The following PDS5A variants were observed in gnomAD, a reference collection of about 807,000 sequenced individuals.
PDS5A encodes the protein PDS5 cohesin associated factor A, also known as sister chromatid cohesion protein PDS5 homolog A.
Under a neutral mutation model 167.1 loss-of-function variants are expected in PDS5A, and 42 were observed. The ratio of observed to expected loss-of-function variants is 0.25; its 90% CI spans 0.20 to 0.33. The LOEUF is 0.33. Ranked by LOEUF, PDS5A falls within the 10% of genes least tolerant of loss-of-function variation. The pLI is 1.00. For missense variants in PDS5A, 1,033 were observed against 1,605.9 expected, an observed-to-expected ratio of 0.64 and a Z score of 6.10; for synonymous variants, 553 against 554.6, an observed-to-expected ratio of 1.00 and a Z score of 0.04.
chr4:39,866,732 G>A (rs1719489512), intron 23 of PDS5A, 129 bp downstream of exon 23: 1 of 718,926 alleles, frequency 1.4e-6, no homozygotes, highest in African/African-American at 1.8e-5. Flanking sequence ...CCCTAAATGA[G>A]TACATAAGAT....
chr4:39,863,471 C>A lies in PDS5A; in HGVS notation c.2643-12G>T. 1.3e-6 allele frequency: 2 copies of A among 1,570,570 alleles called. No homozygotes were observed. Among genetic ancestry groups the A allele is most frequent in the Admixed American group, 2.0e-5 (1 of 49,760 alleles). On this transcript the variant is annotated splice_polypyrimidine_tract_variant and intron_variant, in intron 23 of 32. Coordinates refer to ENST00000303538, the MANE Select transcript of PDS5A (RefSeq NM_001100399.2). ...ACATATCAGATTTACTATAAACAAACAAAAAAGAAATAAACATTTCCTATA... is the reference window on the plus strand; with the variant it reads ...ACATATCAGATTTACTATAAACAAAAAAAAAAGAAATAAACATTTCCTATA...
Position 39,928,051 on chromosome 4 carries a change from T to C in PDS5A, c.252A>G (p.Lys84=). 6.2e-7 allele frequency: 1 copy of C among 1,613,668 alleles called. No individual in the cohort carries two copies. ...ASEFFLRNPN[K]DVRLLVACCL... The stretch of plus-strand genomic sequence containing the variant: ...AACATGCTACAAGGAGACGCACATC[T>C]TTATTGGGGTTCCTGAGGAAGAATT... The change falls in exon 3 of 33, where the codon AAA becomes AAG. Residue 84 remains lysine, a synonymous_variant. Coordinates refer to ENST00000303538, the MANE Select transcript of PDS5A (RefSeq NM_001100399.2).
intron 6 of PDS5A, among the ~76,000 whole-genome samples, chr4:39,922,334 G>T (rs144928798): frequency 2.3e-3 from 350 of 152,080 alleles, no homozygotes; most frequent in African/African-American, 8.2e-3. Context: ...TTAACCAAAA[G>T]GCAACACCCC....
intron 16 of PDS5A, among the ~76,000 whole-genome samples, chr4:39,896,165 CT>C (rs1394168317): frequency 1.3e-5 from 2 of 151,898 alleles, no homozygotes; most frequent in East Asian, 3.9e-4. Flanking sequence ...ATCTTGGCCT[CT>C]GGAGTAGTCA....
intron 9 of PDS5A, among the ~76,000 whole-genome samples, chr4:39,912,551 G>A (rs928630268): frequency 6.6e-6 from 1 of 152,222 alleles, no homozygotes; most frequent in Non-Finnish European, 1.5e-5. Context: ...AGTAGGCCTT[G>A]TCAGCGATTT....
At chr4:39,927,810 G>A in intron 3 of PDS5A, 151 bp downstream of exon 3, 1 of 603,092 alleles carries the variant, frequency 1.7e-6, no homozygotes, top group East Asian at 2.8e-5. Context: ...AATACTAACT[G>A]AATGAATAAT....
At chr4:39,926,250 G>A (rs1450716150) in intron 4 of PDS5A, among the ~76,000 whole-genome samples, 1 of 151,902 alleles carries the variant, frequency 6.6e-6, no homozygotes, top group African/African-American at 2.4e-5. Context: ...GGCCGGGCCC[G>A]GTGGCTCACG....
In PDS5A at chr4:39,976,583, G is replaced by C. The variant is rs757916645; in HGVS notation, c.-6C>G. ...GGCTGCGCGGTGAAGTCCATCCTGG[G>C]GGACAACTTTTGGTTCACAGTCCTC... is the stretch of plus-strand genomic sequence containing the variant. On this transcript the variant is annotated 5_prime_UTR_variant, in exon 2 of 33. Transcript: ENST00000303538. The C allele has an allele frequency of 6.2e-7, 1 of 1,607,952 alleles. No individual in the cohort carries two copies. Among genetic ancestry groups the C allele is most frequent in the Non-Finnish European group, 8.5e-7 (1 of 1,175,702 alleles).
intron 11 of PDS5A, among the ~76,000 whole-genome samples, chr4:39,906,815 AT>A (rs965541378): frequency 2.3e-4 from 34 of 149,620 alleles, no homozygotes; most frequent in African/African-American, 7.9e-4. Flanking sequence ...TTCTTTATAA[AT>A]TTTTTTGTAT....
At chr4:39,970,605 A>G (rs1336244932) in intron 2 of PDS5A, among the ~76,000 whole-genome samples, 1 of 151,398 alleles carries the variant, frequency 6.6e-6, no homozygotes, top group Non-Finnish European at 1.5e-5. Context: ...TATAACAACC[A>G]AAGTAAATAT....
At chr4:39,860,906 C>CA (rs1296511673) in intron 26 of PDS5A, among the ~76,000 whole-genome samples, 1 of 151,404 alleles carries the variant, frequency 6.6e-6, no homozygotes, top group Non-Finnish European at 1.5e-5. Flanking sequence ...CCCATCTCTA[C>CA]AAAAAATACA....
At chr4:39,902,522 A>ATT (rs199900186) in intron 12 of PDS5A, 62 bp from the exon 13 acceptor site, 3,610 of 592,424 alleles carry the variant, frequency 6.1e-3, no homozygotes, top group South Asian at 7.2e-3. Context: ...TTAAGAAGCA[A>ATT]TTTTTTTTTT....
chr4:39,830,821 G>GT lies in PDS5A; in HGVS notation c.4011-5334dup, dbSNP rs368718808. Among the ~76,000 whole-genome samples the GT allele has an allele frequency of 8.2e-3, 1,249 of 152,302 alleles. 15 individuals carry two copies. Among genetic ancestry groups the GT allele is most frequent in the Non-Finnish European group, 0.011 (753 of 68,026 alleles). The stretch of plus-strand genomic sequence containing the variant: ...TCAAAAACATCTGATCTATCTCTCG[G>GT]TTTTCCTCTCTAATCCTAAAATGCA... On this transcript the variant is annotated intron_variant, in intron 32 of 32. Coordinates refer to ENST00000303538, the MANE Select transcript of PDS5A (RefSeq NM_001100399.2).
chr4:39,920,832 C>G (rs1166459740), intron 6 of PDS5A, among the ~76,000 whole-genome samples: 3 of 152,126 alleles, frequency 2.0e-5, no homozygotes, highest in African/African-American at 7.2e-5. Context: ...GAAGAGTAGA[C>G]CTGGTAAGCG....
chr4:39,957,789 A>C (rs1729093577), intron 2 of PDS5A, among the ~76,000 whole-genome samples: 1 of 147,346 alleles, frequency 6.8e-6, no homozygotes, highest in Admixed American at 6.8e-5. Context: ...TCCATCTCAA[A>C]AAAAAAAAAA....
intron 2 of PDS5A, among the ~76,000 whole-genome samples, chr4:39,937,418 T>A (rs1438954730): frequency 6.6e-6 from 1 of 152,186 alleles, no homozygotes; most frequent in Non-Finnish European, 1.5e-5. Context: ...AAATTTTTTT[T>A]AATTTTATTT....
chr4:39,967,440 GT>G (rs1379918330), intron 2 of PDS5A, among the ~76,000 whole-genome samples: 1 of 152,128 alleles, frequency 6.6e-6, no homozygotes, highest in African/African-American at 2.4e-5. Flanking sequence ...GAGGTCAGGG[GT>G]TCGAGACAAG....
chr4:39,891,331 GC>G, intron 16 of PDS5A, among the ~76,000 whole-genome samples: 1 of 151,918 alleles, frequency 6.6e-6, no homozygotes, highest in East Asian at 2.0e-4. Context: ...ACTGTGCCTG[GC>G]CAGTTAATTT....
intron 11 of PDS5A, among the ~76,000 whole-genome samples, chr4:39,905,038 C>T (rs1190187514): frequency 6.6e-6 from 1 of 152,174 alleles, no homozygotes; most frequent in Admixed American, 6.5e-5. Context: ...GTGGCTCATG[C>T]CTGTAATCCC....
Sources: gnomAD v4.1 joint callset for allele counts (sites outside exome capture counted in the v4.1 genomes callset) on GRCh38, gnomAD v4.1.1 for gene constraint, MANE v1.5 for transcripts, NCBI Gene and HGNC (gene_info 2026-07-23, HGNC 2026-07-21) for gene names.